The following ABCC10 variants were observed in gnomAD, a reference collection of about 807,000 sequenced individuals.
The protein encoded by ABCC10 is ATP-binding cassette sub-family C member 10.
In ABCC10, 110 loss-of-function variants were observed where a neutral mutation model predicts 143.2. The observed-to-expected ratio is 0.77, with a 90% CI of 0.66 to 0.90. ABCC10 has a LOEUF of 0.90. Among genes scored for constraint, ABCC10 ranks in the 40% least tolerant of loss-of-function variants. ABCC10 has a pLI of 0.00. For synonymous variants in ABCC10, 805 were observed against 846.7 expected (o/e 0.95, Z 0.85); for missense variants, 1,700 against 1,900.5 (o/e 0.89, Z 1.96).
At chr6:43,451,783 G>T (rs1391017555), downstream of ABCC10, 2 of 967,056 alleles carry the variant, frequency 2.1e-6, no homozygotes, top group Non-Finnish European at 2.5e-6. This position sits in a 1 kb window ranked among gnomAD's most constrained non-coding sequence, Gnocchi z 4.4. Context: ...GAGAAACCCT[G>T]AACTAGGAAC....
At position 43,449,187 on chromosome 6, in the gene ABCC10, C is replaced by T. The variant is rs761216822; in HGVS notation, c.4186C>T (p.Leu1396Phe). 6.2e-6 allele frequency: 10 copies of T among 1,613,852 alleles called. No individual in the cohort carries two copies. The highest frequency in any genetic ancestry group is 8.5e-6 in the Non-Finnish European group (10 of 1,179,962). ...QRQLLCLARA[L>F]LTDAKILCID... ...GCAGCTGTTGTGTTTGGCCAGGGCT[C>T]TCCTCACAGATGCCAAGGTAAGGTG... The change falls in exon 20 of 22, where the codon CTC becomes TTC. Residue 1396 changes from leucine to phenylalanine, a missense_variant. Coordinates refer to ENST00000372530, the MANE Select transcript of ABCC10 (RefSeq NM_001198934.2).
chr6:43,437,333 G>T (rs1259898068), intron 6 of ABCC10, among the ~76,000 whole-genome samples: 1 of 148,330 alleles, frequency 6.7e-6, no homozygotes, highest in East Asian at 2.0e-4. Context: ...ATCACAGGCA[G>T]ATAGAGCTTC....
chr6:43,437,736 A>G (rs578164747), intron 6 of ABCC10, among the ~76,000 whole-genome samples, 198 bp from the exon 7 acceptor site: 66 of 152,214 alleles, frequency 4.3e-4, no homozygotes, highest in African/African-American at 1.5e-3. Context: ...CTGAGTGGAG[A>G]AAAAAACACC....
downstream of ABCC10, chr6:43,450,472 A>G: frequency 1.3e-6 from 2 of 1,495,184 alleles, no homozygotes; most frequent in Middle Eastern, 2.2e-4. This position sits in a 1 kb window ranked among gnomAD's most constrained non-coding sequence, Gnocchi z 4.5. Flanking sequence ...AAGGGTGGTG[A>G]GAACGGACCA....
rs1054426050 is a variant in ABCC10 at position 43,443,424 on chromosome 6, A to C, written c.2416+265A>C. 2.2e-5 allele frequency: 9 copies of C among 410,176 alleles called. No homozygotes were observed. The highest frequency in any genetic ancestry group is 1.3e-3 in the Middle Eastern group (2 of 1,530). The allele number at this position is 410,176 out of a possible 1,614,324, so 25.4% of individuals were successfully genotyped here. On this transcript the variant is annotated intron_variant, in intron 10 of 21. Coordinates refer to ENST00000372530, the MANE Select transcript of ABCC10 (RefSeq NM_001198934.2). The surrounding 1 kb of genome is among the most constrained non-coding windows in gnomAD (Gnocchi z 4.2). ...GCCCAGGGTCTCTGAGAACATTCTC[A>C]TATCTTCAGAGAAGAGAAAGGAGTC...
In ABCC10 at chr6:43,447,858, T is replaced by C. The variant is rs746702582; in HGVS notation, c.3880T>C (p.Phe1294Leu). The C allele has an allele frequency of 2.5e-6, 4 of 1,613,938 alleles. No individual in the cohort carries two copies. The South Asian group carries it at 3.3e-5, about 13-fold the overall frequency. Residue 1294 changes from phenylalanine (F) to leucine (L), a missense_variant, in exon 18 of 22, where the codon TTC becomes CTC. Physicochemically the swap from Phe to Leu is conservative, Grantham distance 22 (BLOSUM62 0). Coordinates refer to ENST00000372530, the MANE Select transcript of ABCC10 (RefSeq NM_001198934.2). ...CAAGTCTTCCCTGTTGTTGGTGCTC[T>C]TCCGGCTGCTAGAGCCCAGTTCAGG... is the stretch of plus-strand genomic sequence containing the variant. ...SGKSSLLLVL[F>L]RLLEPSSGRV...
In ABCC10 at chr6:43,443,099, G is replaced by A; in HGVS notation, c.2356G>A (p.Glu786Lys). Reference sequence around the variant, plus strand: ...ACGGCTGCTCTGCACCCACCGCACTGAGTACCTGGAGAGGGCTGACGCGGT... The same window carrying A: ...ACGGCTGCTCTGCACCCACCGCACTAAGTACCTGGAGAGGGCTGACGCGGT... ...TTRLLCTHRT[E>K]YLERADAVLL... Residue 786 changes from glutamate to lysine, a missense_variant, in exon 10 of 22, where the codon GAG (glutamate) becomes AAG (lysine). By Grantham distance (56) the Glu-to-Lys change is moderately conservative. Coordinates refer to ENST00000372530, the MANE Select transcript of ABCC10 (RefSeq NM_001198934.2). This position sits in a 1 kb window ranked among gnomAD's most constrained non-coding sequence, Gnocchi z 4.2. The A allele has an allele frequency of 1.2e-6, 2 of 1,611,792 alleles. No individual in the cohort carries two copies. The highest frequency in any genetic ancestry group is 1.3e-5 in the African/African-American group (1 of 75,052).
intron 2 of ABCC10, among the ~76,000 whole-genome samples, chr6:43,429,025 G>A (rs1581690249): frequency 6.6e-6 from 1 of 152,188 alleles, no homozygotes; most frequent in East Asian, 1.9e-4. Context: ...GGATTCATCC[G>A]CCCCCTGGGA....
At chr6:43,449,843 C>T (rs952110232) in intron 21 of ABCC10, 86 bp from the exon 22 acceptor site, 15 of 1,487,400 alleles carry the variant, frequency 1.0e-5, no homozygotes, top group African/African-American at 2.8e-5. Flanking sequence ...TGTGGTGTCC[C>T]GAGGGGAGAG....
chr6:43,430,455 C>T (rs529378051), intron 2 of ABCC10, among the ~76,000 whole-genome samples: 2 of 152,092 alleles, frequency 1.3e-5, no homozygotes, highest in South Asian at 4.2e-4. Context: ...TAACTGTCAT[C>T]AGGTGGACTT....
chr6:43,435,889 C>G lies in ABCC10; in HGVS notation c.1747C>G (p.Gln583Glu), dbSNP rs761518585. The change falls in exon 5 of 22, where the codon CAG becomes GAG. Residue 583 changes from glutamine (Q) to glutamate (E), a missense_variant. Physicochemically the swap from Gln to Glu is conservative, Grantham distance 29. Transcript: ENST00000372530. ...CCTCGACCTTCCAAACCACAACCCC[C>G]AGGCCTACTACAGCCCAGGTAATGG... ...LFLDLPNHNP[Q>E]AYYSPDPPAE... 1 of 1,614,156 alleles carries G rather than the reference C, an allele frequency of 6.2e-7. No individual in the cohort carries two copies. Among genetic ancestry groups the G allele is most frequent in the South Asian group, 1.1e-5 (1 of 91,088 alleles).
downstream of ABCC10, among the ~76,000 whole-genome samples, chr6:43,451,641 G>T (rs1304139828): frequency 6.6e-6 from 1 of 152,110 alleles, no homozygotes. This position sits in a 1 kb window ranked among gnomAD's most constrained non-coding sequence, Gnocchi z 4.4. Flanking sequence ...TTCAGGAGAG[G>T]ATGAGGAGAG....
chr6:43,451,088 A>G (rs759977974), downstream of ABCC10: 3 of 1,614,154 alleles, frequency 1.9e-6, no homozygotes, highest in African/African-American at 2.7e-5. The surrounding 1 kb of genome is among the most constrained non-coding windows in gnomAD (Gnocchi z 4.4). Flanking sequence ...CAAAGCCCTC[A>G]GGACAGAGGC....
intron 3 of ABCC10, 58 bp from the exon 4 acceptor site, chr6:43,434,563 G>GGGAA: frequency 6.6e-7 from 1 of 1,506,236 alleles, no homozygotes; most frequent in Non-Finnish European, 9.1e-7. Flanking sequence ...AGGCTTGGCA[G>GGGAA]GGAAGACACA....
chr6:43,433,374 T>G lies in ABCC10; in HGVS notation c.1380+14T>G, dbSNP rs1176713677. ...GCGCGGGTTAAGGTGAGCGGGTACT[T>G]GGGGTCCCTCAGCTATCTGGAGACC... On this transcript the variant is annotated intron_variant, in intron 3 of 21. Coordinates refer to ENST00000372530, the MANE Select transcript of ABCC10 (RefSeq NM_001198934.2). The G allele has an allele frequency of 1.9e-6, 3 of 1,591,770 alleles. No homozygotes were observed. The highest frequency in any genetic ancestry group is 2.6e-6 in the Non-Finnish European group (3 of 1,165,624).
At position 43,434,792 on chromosome 6, in the gene ABCC10, T is replaced by G; in HGVS notation, c.1552T>G (p.Ser518Ala). The part of the protein sequence containing the change: ...YLWAALPVVI[S>A]IVIFITYVLM... ...GTGGGCTGCCCTACCGGTTGTCATC[T>G]CCATCGTTATCTTCATCACCTATGT... Residue 518 changes from serine to alanine, a missense_variant, in exon 4 of 22, where the codon TCC becomes GCC. Ser to Ala is a moderately conservative substitution (Grantham distance 99, BLOSUM62 1). Coordinates refer to ENST00000372530, the MANE Select transcript of ABCC10 (RefSeq NM_001198934.2). 1 of 1,614,180 alleles carries G rather than the reference T, an allele frequency of 6.2e-7. No individual in the cohort carries two copies.
chr6:43,451,003 G>A (rs1482358891), downstream of ABCC10: 2 of 1,614,086 alleles, frequency 1.2e-6, no homozygotes, highest in Non-Finnish European at 1.7e-6. The surrounding 1 kb of genome is among the most constrained non-coding windows in gnomAD (Gnocchi z 4.4). Flanking sequence ...TCGTGGACAC[G>A]GTCCCGACAG....
chr6:43,438,603 T>C, intron 7 of ABCC10, 21 bp from the exon 8 acceptor site: 1 of 1,611,968 alleles, frequency 6.2e-7, no homozygotes, highest in Non-Finnish European at 8.5e-7. Context: ...GTCCTCATAT[T>C]GCTCGCCTGG....
rs1402518341 is a variant in ABCC10, at chr6:43,443,888, TAG to T, written c.2417-43_2417-42del. 3.9e-6 allele frequency: 6 copies of T among 1,555,784 alleles called. No homozygotes were observed. In the East Asian group the frequency reaches 6.7e-5, roughly 17 times the overall value. ...CACACGCACTGAGAAAGGCATAGTA[TAG>T]ACTCAGAACAGTCCTCTCCCAATCT... On this transcript the variant is annotated intron_variant, in intron 10 of 21. Coordinates refer to ENST00000372530, the MANE Select transcript of ABCC10 (RefSeq NM_001198934.2). The surrounding 1 kb of genome is among the most constrained non-coding windows in gnomAD (Gnocchi z 4.2).
Sources: allele counts gnomAD v4.1 joint callset (sites outside exome capture counted in the v4.1 genomes callset), GRCh38; gene constraint gnomAD v4.1.1; non-coding constraint Gnocchi (gnomAD v3.1); transcripts MANE v1.5; gene names NCBI Gene and HGNC (gene_info 2026-07-23, HGNC 2026-07-21).